The following TMEM47 variants were observed in gnomAD, a reference collection of about 807,000 sequenced individuals.
The protein encoded by TMEM47 is transmembrane protein 47.
Under a neutral mutation model 12.4 loss-of-function variants are expected in TMEM47, and 3 were observed. That is an observed-to-expected ratio of 0.24 (90% CI 0.11 to 0.63). The LOEUF is 0.63. Among genes scored for constraint, TMEM47 ranks in the 20% least tolerant of loss-of-function variants. The pLI, the probability that TMEM47 is intolerant of heterozygous loss-of-function variation, is 0.86. For synonymous variants in TMEM47, 62 were observed against 63.3 expected (o/e 0.98, Z 0.10); for missense variants, 89 against 143.8 (o/e 0.62, Z 1.95).
chrX:34,648,308 TA>T (rs1340963707), intron 1 of TMEM47, among the ~76,000 whole-genome samples: 8 of 111,392 alleles, frequency 7.2e-5, no homozygotes, highest in Admixed American at 6.7e-4. Context: ...CTACAGTAAC[TA>T]AAAGAGCATG....
chrX:34,647,117 A>G lies in TMEM47; in HGVS notation c.227-7730T>C, dbSNP rs747466409. 6.3e-5 allele frequency among the ~76,000 whole-genome samples: 7 copies of G among 111,160 alleles called. No homozygotes were observed. In the South Asian group the frequency reaches 2.7e-3, roughly 42 times the overall value. On this transcript the variant is annotated intron_variant, in intron 1 of 2. Transcript: ENST00000275954. Reference sequence around the variant, plus strand: ...AGTATATGTGAGAAGATGGGAAAATAGAGGGAAGCATTCGAATGTACCCCC... The same window carrying G: ...AGTATATGTGAGAAGATGGGAAAATGGAGGGAAGCATTCGAATGTACCCCC...
At chrX:34,654,884 G>A (rs1305122131) in intron 1 of TMEM47, among the ~76,000 whole-genome samples, 1 of 111,863 alleles carries the variant, frequency 8.9e-6, no homozygotes, top group African/African-American at 3.3e-5. Flanking sequence ...ATGACTTTCA[G>A]CAAGGGGGTA....
chrX:34,630,554 T>C (rs1222279600), intron 2 of TMEM47, 63 bp from the exon 3 acceptor site: 6 of 1,024,931 alleles, frequency 5.9e-6, no homozygotes, highest in Admixed American at 2.9e-5. Flanking sequence ...AATATAAATA[T>C]GTAACTATAT....
intron 1 of TMEM47, among the ~76,000 whole-genome samples, chrX:34,646,698 C>CT (rs1401906181): frequency 1.8e-5 from 2 of 111,086 alleles, no homozygotes; most frequent in Non-Finnish European, 3.8e-5. Context: ...GTGAAACTTC[C>CT]TCTAAGCAAC....
chrX:34,651,078 G>A (rs12014028), intron 1 of TMEM47, among the ~76,000 whole-genome samples: 1,305 of 111,571 alleles, frequency 0.012, 20 homozygotes, highest in African/African-American at 0.04. Context: ...CTCCAAACAC[G>A]GCCCAACAGC....
At chrX:34,638,472 T>C (rs756426050) in intron 2 of TMEM47, among the ~76,000 whole-genome samples, 19 of 112,133 alleles carry the variant, frequency 1.7e-4, no homozygotes, top group Non-Finnish European at 2.8e-4. Context: ...ACAGCCTAGA[T>C]GGTTTTGTCA....
At chrX:34,631,438 C>G (rs1921623674) in intron 2 of TMEM47, among the ~76,000 whole-genome samples, 1 of 111,184 alleles carries the variant, frequency 9.0e-6, no homozygotes, top group African/African-American at 3.3e-5. Flanking sequence ...TTCTTCTCAT[C>G]CACTCTATGC....
At chrX:34,649,190 C>A (rs1375950438) in intron 1 of TMEM47, among the ~76,000 whole-genome samples, 1 of 111,803 alleles carries the variant, frequency 8.9e-6, no homozygotes, top group Non-Finnish European at 1.9e-5. Context: ...ACCCAGCAAT[C>A]CCATTACTAG....
In TMEM47 at chrX:34,627,655, T is replaced by C. The variant is rs1224936014; in HGVS notation, c.*2658A>G. 8.9e-6 allele frequency: 1 copy of C among 112,347 alleles called. No individual in the cohort carries two copies. Among genetic ancestry groups the C allele is most frequent in the African/African-American group, 3.2e-5 (1 of 30,891 alleles). The allele number at this position is 112,347 out of a possible 1,213,427, so 9.3% of individuals were successfully genotyped here. A position where few individuals can be genotyped will look rare whatever the true frequency, so the allele number is the denominator to read the frequency against. ...GAATAACTAGCCCTGCTGAGTATTT[T>C]ATGCTATATGTGTGTGAGTATATAT... On this transcript the variant is annotated 3_prime_UTR_variant, in exon 3 of 3. Transcript: ENST00000275954.
intron 2 of TMEM47, among the ~76,000 whole-genome samples, chrX:34,630,988 T>C (rs1386099439): frequency 9.4e-6 from 1 of 106,821 alleles, no homozygotes; most frequent in Non-Finnish European, 1.9e-5. Flanking sequence ...CTGACCAACA[T>C]GGTGAAACCC....
At chrX:34,655,609 G>A (rs1428577957) in intron 1 of TMEM47, among the ~76,000 whole-genome samples, 5 of 111,786 alleles carry the variant, frequency 4.5e-5, no homozygotes, top group African/African-American at 1.6e-4. Context: ...AAAGACAAAA[G>A]AAAATCAGAT....
intron 2 of TMEM47, among the ~76,000 whole-genome samples, chrX:34,637,806 T>A (rs1216220195): frequency 9.0e-6 from 1 of 111,372 alleles, no homozygotes; most frequent in East Asian, 2.8e-4. Context: ...GCGGTAGTAG[T>A]AATGTGTCTG....
chrX:34,635,175 G>T (rs1431084383), intron 2 of TMEM47, among the ~76,000 whole-genome samples: 1 of 111,180 alleles, frequency 9.0e-6, no homozygotes, highest in African/African-American at 3.3e-5. Flanking sequence ...AACCAATGAC[G>T]CTCCAAATTT....
chrX:34,652,620 C>T (rs1394081634), intron 1 of TMEM47, among the ~76,000 whole-genome samples: 2 of 111,885 alleles, frequency 1.8e-5, no homozygotes, highest in Non-Finnish European at 3.8e-5. Context: ...TATCTGTTCA[C>T]ACATTAAAAT....
intron 1 of TMEM47, among the ~76,000 whole-genome samples, chrX:34,654,647 C>T (rs181347369): frequency 7.2e-4 from 80 of 111,588 alleles, no homozygotes; most frequent in Admixed American, 6.0e-3. Flanking sequence ...TTCCTTTCCT[C>T]CACCCCCGCC....
At position 34,630,144 on chromosome X, in the gene TMEM47, T is replaced by C; in HGVS notation, c.*169A>G. On this transcript the variant is annotated 3_prime_UTR_variant, in exon 3 of 3. Transcript: ENST00000275954. ...AATTTGTGCAGATTTCTAAAATGGA[T>C]GTAAAAGCTGGTTATGATGTTGACA... 1 of 427,090 alleles carries C rather than the reference T, an allele frequency of 2.3e-6. No individual in the cohort carries two copies. The allele number at this position is 427,090 out of a possible 1,213,427, so 35.2% of individuals were successfully genotyped here. A position where few individuals can be genotyped will look rare whatever the true frequency, so the allele number is the denominator to read the frequency against.
chrX:34,641,270 A>G (rs781120158), intron 1 of TMEM47, among the ~76,000 whole-genome samples: 22 of 111,503 alleles, frequency 2.0e-4, no homozygotes, highest in Non-Finnish European at 3.0e-4. Context: ...AAAGTGTACA[A>G]TGAAAAAAAT....
intron 1 of TMEM47, among the ~76,000 whole-genome samples, chrX:34,649,512 C>T (rs1449266815): frequency 9.1e-6 from 1 of 110,238 alleles, no homozygotes; most frequent in Admixed American, 9.7e-5. Flanking sequence ...AACTCGTGAA[C>T]ACAAAGAAGG....
intron 2 of TMEM47, among the ~76,000 whole-genome samples, chrX:34,636,515 A>C (rs1921719389): frequency 8.9e-6 from 1 of 112,086 alleles, no homozygotes; most frequent in South Asian, 3.7e-4. Context: ...TGACCTGCGG[A>C]TAGTTCAAAA....
Sources: gnomAD v4.1 joint callset for allele counts (sites outside exome capture counted in the v4.1 genomes callset) on GRCh38, gnomAD v4.1.1 for gene constraint, MANE v1.5 for transcripts, NCBI Gene and HGNC (gene_info 2026-07-23, HGNC 2026-07-21) for gene names.